Variants in CLUAP1 observed in about 807,000 individuals in gnomAD.
CLUAP1 encodes the protein intraflagellar transport 38, also known as clusterin-associated protein 1.
Under a neutral mutation model 55.0 loss-of-function variants are expected in CLUAP1, and 50 were observed. That is an observed-to-expected ratio of 0.91 (90% confidence interval 0.72 to 1.15). The LOEUF (loss-of-function observed/expected upper bound fraction) is 1.15, where lower values mean the gene tolerates loss of function less well. Among genes scored for constraint, CLUAP1 ranks in the 50% most tolerant of loss-of-function variants. The pLI is 0.00. For missense variants in CLUAP1, 530 were observed against 507.6 expected (o/e 1.04, Z -0.42); for synonymous variants, 195 against 175.4 (o/e 1.11, Z -0.88).
intron 11 of CLUAP1, 87 bp downstream of exon 11, chr16:3,532,928 C>G: frequency 1.3e-6 from 2 of 1,508,782 alleles, no homozygotes; most frequent in Non-Finnish European, 1.8e-6. Flanking sequence ...CTGTCAGCAG[C>G]CAGGGAGCCG....
At chr16:3,502,675 G>C (rs919814691) in intron 1 of CLUAP1, among the ~76,000 whole-genome samples, 3 of 152,046 alleles carry the variant, frequency 2.0e-5, no homozygotes, top group African/African-American at 7.2e-5. Flanking sequence ...CTGCCCTCTG[G>C]GGTTTGAAGG....
upstream of CLUAP1, among the ~76,000 whole-genome samples, chr16:3,499,146 G>A (rs2037341829): frequency 6.6e-6 from 1 of 152,240 alleles, no homozygotes; most frequent in Non-Finnish European, 1.5e-5. Context: ...GCCGCGTGCG[G>A]TGACTCACGC....
chr16:3,520,123 A>C, intron 7 of CLUAP1, 87 bp downstream of exon 7: 1 of 1,347,812 alleles, frequency 7.4e-7, no homozygotes, highest in Non-Finnish European at 1.0e-6. Context: ...CTGAAATCTC[A>C]GCTACTCATG....
At chr16:3,503,663 C>A (rs1028844272) in intron 1 of CLUAP1, among the ~76,000 whole-genome samples, 3 of 152,172 alleles carry the variant, frequency 2.0e-5, no homozygotes, top group East Asian at 1.9e-4. Flanking sequence ...GTCACATGAT[C>A]TGAGCTTACT....
At chr16:3,506,880 T>C (rs2151043321) in intron 3 of CLUAP1, among the ~76,000 whole-genome samples, 1 of 152,300 alleles carries the variant, frequency 6.6e-6, no homozygotes, top group South Asian at 2.1e-4. Context: ...TTTTTGTTTG[T>C]CTTTTAATTC....
intron 6 of CLUAP1, among the ~76,000 whole-genome samples, chr16:3,517,246 G>A (rs2037745890): frequency 6.6e-6 from 1 of 151,208 alleles, no homozygotes; most frequent in Non-Finnish European, 1.5e-5. Context: ...TGAGTAGCTG[G>A]GATTACTGGC....
intron 3 of CLUAP1, among the ~76,000 whole-genome samples, chr16:3,506,806 G>C (rs1363360161): frequency 6.6e-6 from 1 of 152,162 alleles, no homozygotes; most frequent in East Asian, 1.9e-4. Context: ...CGCCTGGCCT[G>C]AGTTTGCTTT....
chr16:3,530,541 TG>T (rs1232345228), intron 9 of CLUAP1, 26 bp from the exon 10 acceptor site: 1 of 1,573,232 alleles, frequency 6.4e-7, no homozygotes, highest in Admixed American at 1.7e-5. Flanking sequence ...GCCACTCCTT[TG>T]TTTTGCCTGC....
intron 9 of CLUAP1, among the ~76,000 whole-genome samples, chr16:3,529,490 T>TA (rs1239782573): frequency 2.0e-4 from 13 of 64,604 alleles, no homozygotes; most frequent in South Asian, 4.4e-4. Context: ...TATTATATAA[T>TA]TATATTATAT....
rs1031747587 is a variant in CLUAP1 at position 3,508,387 on chromosome 16, T to C, written c.318T>C (p.Asn106=). The C allele has an allele frequency of 2.5e-6, 4 of 1,604,530 alleles. No homozygotes were observed. Among genetic ancestry groups the C allele is most frequent in the Non-Finnish European group, 2.5e-6 (3 of 1,177,754 alleles). The change falls in exon 4 of 12, where the codon AAT becomes AAC. Residue 106 remains asparagine, a synonymous_variant. Transcript: ENST00000576634. ...TGAAGATCACATCTGTCCTTTATAA[T>C]GCTATGAAGACCAAGGGGATGGAGG... ...ELLKITSVLY[N]AMKTKGMEGS...
At chr16:3,528,683 T>A (rs2037995733) in intron 9 of CLUAP1, among the ~76,000 whole-genome samples, 1 of 152,226 alleles carries the variant, frequency 6.6e-6, no homozygotes, top group Admixed American at 6.5e-5. Context: ...CACCAAGATT[T>A]ACCTTTGTGT....
chr16:3,531,800 A>T (rs2038124902), intron 10 of CLUAP1, among the ~76,000 whole-genome samples: 1 of 151,772 alleles, frequency 6.6e-6, no homozygotes, highest in African/African-American at 2.4e-5. Flanking sequence ...AATTAAGTAC[A>T]ATTGGAACTC....
chr16:3,511,911 G>C (rs886567956), intron 4 of CLUAP1, among the ~76,000 whole-genome samples: 31 of 151,446 alleles, frequency 2.0e-4, no homozygotes, highest in Non-Finnish European at 3.8e-4. Flanking sequence ...GGCTGGCCGG[G>C]CACGGTGGCT....
At chr16:3,517,554 C>T (rs1443208014) in intron 6 of CLUAP1, among the ~76,000 whole-genome samples, 7 of 151,878 alleles carry the variant, frequency 4.6e-5, no homozygotes, top group South Asian at 2.1e-4. Flanking sequence ...TCAGGTGATC[C>T]GCCCGCCTTG....
At chr16:3,517,292 GTTTTA>G (rs920130152) in intron 6 of CLUAP1, among the ~76,000 whole-genome samples, 1 of 151,430 alleles carries the variant, frequency 6.6e-6, no homozygotes, top group African/African-American at 2.4e-5. Flanking sequence ...TTGTATTTTT[GTTTTA>G]TTTTATTTAT....
chr16:3,526,567 AT>A (rs973606711), intron 9 of CLUAP1, 83 bp downstream of exon 9: 9 of 708,530 alleles, frequency 1.3e-5, no homozygotes, highest in African/African-American at 7.6e-5. Context: ...ATATATATAT[AT>A]TTTTTAATAT....
chr16:3,527,380 CA>C (rs1352785870), intron 9 of CLUAP1, among the ~76,000 whole-genome samples: 1 of 152,086 alleles, frequency 6.6e-6, no homozygotes, highest in Non-Finnish European at 1.5e-5. Context: ...GACAAGAGTG[CA>C]AACCTTCTGT....
upstream of CLUAP1, chr16:3,500,899 C>CGGGGA: frequency 1.4e-6 from 1 of 701,686 alleles, no homozygotes; most frequent in Middle Eastern, 4.0e-4. Context: ...CCGGCCCGCT[C>CGGGGA]TCCCCGTGCG....
chr16:3,502,798 C>G (rs118127906), intron 1 of CLUAP1, among the ~76,000 whole-genome samples: 37 of 152,226 alleles, frequency 2.4e-4, no homozygotes, highest in Non-Finnish European at 4.6e-4. Flanking sequence ...AGCGCACACA[C>G]GGAGATTTCG....
Sources: gnomAD v4.1 joint callset for allele counts (sites outside exome capture counted in the v4.1 genomes callset) on GRCh38, gnomAD v4.1.1 for gene constraint, MANE v1.5 for transcripts, NCBI Gene and HGNC (gene_info 2026-07-23, HGNC 2026-07-21) for gene names.